GRID2: variants seen among roughly 807,000 people sequenced by gnomAD.
The protein encoded by GRID2 is glutamate ionotropic receptor delta type subunit 2, also known as glutamate receptor ionotropic, delta-2.
GRID2 carries 33 observed loss-of-function variants against 114.8 expected under a neutral mutation model. The ratio of observed to expected loss-of-function variants is 0.29; its 90% CI spans 0.22 to 0.38. The LOEUF is 0.38. Ranked by LOEUF, GRID2 falls within the 10% of genes least tolerant of loss-of-function variation. The pLI is 1.00. For missense variants in GRID2, 1,184 were observed against 1,257.7 expected, an observed-to-expected ratio of 0.94 and a Z score of 0.89; for synonymous variants, 505 against 449.9, an observed-to-expected ratio of 1.12 and a Z score of -1.55.
intron 1 of GRID2, among the ~76,000 whole-genome samples, chr4:92,373,456 C>T (rs1165530673): frequency 6.6e-6 from 1 of 152,192 alleles, no homozygotes; most frequent in East Asian, 1.9e-4. Flanking sequence ...AATGTTGTAG[C>T]CTGGCTGATA....
chr4:93,066,017 C>T (rs549308718), intron 2 of GRID2, among the ~76,000 whole-genome samples: 9 of 151,870 alleles, frequency 5.9e-5, no homozygotes, highest in Admixed American at 5.3e-4. Context: ...GATACCATTT[C>T]CACTTTAGAG....
intron 1 of GRID2, among the ~76,000 whole-genome samples, chr4:92,560,099 G>C (rs983554468): frequency 1.3e-5 from 2 of 152,126 alleles, no homozygotes; most frequent in African/African-American, 4.8e-5. Flanking sequence ...TTCTAAATGA[G>C]GGACATATCT....
At chr4:93,204,460 A>G (rs866220395) in intron 4 of GRID2, among the ~76,000 whole-genome samples, 1 of 152,162 alleles carries the variant, frequency 6.6e-6, no homozygotes, top group South Asian at 2.1e-4. Context: ...TAACAAATTT[A>G]TACTGCTAAA....
intron 4 of GRID2, among the ~76,000 whole-genome samples, chr4:93,173,958 G>A (rs1157722675): frequency 6.6e-6 from 1 of 152,104 alleles, no homozygotes; most frequent in African/African-American, 2.4e-5. Flanking sequence ...AATGCATTTT[G>A]TATTTAGAGG....
chr4:93,325,564 T>A (rs993752081), intron 8 of GRID2, among the ~76,000 whole-genome samples: 2 of 152,006 alleles, frequency 1.3e-5, no homozygotes, highest in Admixed American at 1.3e-4. Context: ...TTTTGTTATA[T>A]GTATTATACT....
chr4:93,508,409 A>C (rs928248266), intron 12 of GRID2, among the ~76,000 whole-genome samples: 8 of 151,774 alleles, frequency 5.3e-5, no homozygotes, highest in Non-Finnish European at 8.8e-5. Context: ...GTTGGCCAGG[A>C]TACTCTCCAT....
intron 2 of GRID2, among the ~76,000 whole-genome samples, chr4:92,675,520 C>T (rs1427973652): frequency 2.0e-5 from 3 of 151,652 alleles, no homozygotes; most frequent in Non-Finnish European, 4.4e-5. Flanking sequence ...TCTTTGCCCA[C>T]TAAGAAACAC....
At chr4:92,930,196 C>G (rs561447639) in intron 2 of GRID2, among the ~76,000 whole-genome samples, 1 of 151,428 alleles carries the variant, frequency 6.6e-6, no homozygotes, top group South Asian at 2.1e-4. Flanking sequence ...CCGGATCTGT[C>G]TGAATCCAAA....
chr4:93,647,857 A>G (rs577462239), intron 14 of GRID2, among the ~76,000 whole-genome samples: 1 of 152,344 alleles, frequency 6.6e-6, no homozygotes, highest in South Asian at 2.1e-4. Flanking sequence ...ACAATAAAAT[A>G]GCTATCATTT....
intron 12 of GRID2, among the ~76,000 whole-genome samples, chr4:93,494,851 G>A (rs894302990): frequency 6.6e-6 from 1 of 151,730 alleles, no homozygotes; most frequent in Non-Finnish European, 1.5e-5. Context: ...AGTGGCAATG[G>A]TGAAATGGAG....
chr4:93,131,369 G>C (rs915842696), intron 4 of GRID2, among the ~76,000 whole-genome samples: 2 of 151,372 alleles, frequency 1.3e-5, no homozygotes, highest in African/African-American at 2.4e-5. Context: ...GGCCAGGATG[G>C]TCTCGATATC....
chr4:92,393,796 G>A (rs1457270722), intron 1 of GRID2, among the ~76,000 whole-genome samples: 3 of 152,082 alleles, frequency 2.0e-5, no homozygotes, highest in Non-Finnish European at 2.9e-5. Flanking sequence ...AAGCTAACTC[G>A]ATGTTCATTT....
chr4:93,036,834 A>AT (rs559670068), intron 2 of GRID2, among the ~76,000 whole-genome samples: 17 of 152,144 alleles, frequency 1.1e-4, no homozygotes, highest in African/African-American at 3.1e-4. Context: ...AAAATAGCGA[A>AT]TTTTTTTTAT....
chr4:93,345,146 A>T (rs537241299), intron 8 of GRID2, among the ~76,000 whole-genome samples: 14 of 152,054 alleles, frequency 9.2e-5, no homozygotes, highest in African/African-American at 3.1e-4. Context: ...TAACATACTG[A>T]TTTTATTTCT....
chr4:93,176,140 T>G (rs1310832304), intron 4 of GRID2, among the ~76,000 whole-genome samples: 1 of 152,224 alleles, frequency 6.6e-6, no homozygotes, highest in African/African-American at 2.4e-5. Context: ...TAATGGAAAT[T>G]GATTTTTTTA....
At chr4:92,459,761 T>C (rs925442853) in intron 1 of GRID2, among the ~76,000 whole-genome samples, 1 of 151,906 alleles carries the variant, frequency 6.6e-6, no homozygotes, top group Non-Finnish European at 1.5e-5. Flanking sequence ...TCTCTAGATG[T>C]TTCTGTGAAG....
chr4:92,398,704 T>C (rs891083519), intron 1 of GRID2, among the ~76,000 whole-genome samples: 47 of 152,264 alleles, frequency 3.1e-4, no homozygotes, highest in African/African-American at 1.1e-3. Context: ...GTCATCATCG[T>C]TGAAGGAACT....
chr4:93,751,017 A>G (rs536890613), intron 14 of GRID2, among the ~76,000 whole-genome samples: 3 of 152,328 alleles, frequency 2.0e-5, no homozygotes, highest in Admixed American at 2.0e-4. Flanking sequence ...CTGAGGGTCC[A>G]TTATGCTACA....
chr4:92,532,150 T>G (rs560193770), intron 1 of GRID2, among the ~76,000 whole-genome samples: 1 of 152,174 alleles, frequency 6.6e-6, no homozygotes, highest in Non-Finnish European at 1.5e-5. Context: ...GATATGTTCA[T>G]GTAGTTCAGT....
Sources: allele counts gnomAD v4.1 joint callset (sites outside exome capture counted in the v4.1 genomes callset), GRCh38; gene constraint gnomAD v4.1.1; transcripts MANE v1.5; gene names NCBI Gene and HGNC (gene_info 2026-07-23, HGNC 2026-07-21).